ACTN3: variants seen among roughly 807,000 people sequenced by gnomAD.
ACTN3 encodes the protein alpha-actinin-3.
A neutral mutation model predicts 119.6 loss-of-function variants in ACTN3; 91 were observed. The observed-to-expected ratio is 0.76, with a 90% confidence interval of 0.64 to 0.91. ACTN3 has a LOEUF of 0.91. Among genes scored for constraint, ACTN3 ranks in the 40% least tolerant of loss-of-function variants. The probability of loss-of-function intolerance (pLI) is 0.00; values close to 1 mark genes in which losing one functional copy is unlikely to be tolerated. For missense variants in ACTN3, 1,221 were observed against 1,215.1 expected (o/e 1.00, Z -0.07); for synonymous variants, 456 against 478.8 (o/e 0.95, Z 0.62).
intron 13 of ACTN3, 38 bp downstream of exon 13, chr11:66,560,114 T>TTTGGG: frequency 3.4e-6 from 2 of 585,960 alleles, no homozygotes; most frequent in East Asian, 1.0e-4. Flanking sequence ...GGTGGGTAGG[T>TTTGGG]GGGTGAGGCC....
At chr11:66,559,059 C>T in intron 11 of ACTN3, 177 bp from the exon 12 acceptor site, 1 of 556,086 alleles carries the variant, frequency 1.8e-6, no homozygotes, top group Non-Finnish European at 2.8e-6. Context: ...GCGGATCACG[C>T]CACGGAAGAG....
Position 66,554,061 on chromosome 11 carries a change from C to T in ACTN3, c.399C>T (p.Asn133=). Residue 133 remains asparagine (N), a synonymous_variant, in exon 4 of 21, where the codon AAC becomes AAT. Transcript: ENST00000513398. ...GCCCTGCAGAGATTGTTGACGGGAACCTGAAGATGACCCTGGGCATGATCT... is the reference window on the plus strand; with the variant it reads ...GCCCTGCAGAGATTGTTGACGGGAATCTGAAGATGACCCTGGGCATGATCT... ...SIGAEEIVDG[N]LKMTLGMIWT... is the part of the protein sequence containing the mutation. 2.5e-6 allele frequency: 4 copies of T among 1,613,630 alleles called. No individual in the cohort carries two copies. The highest frequency in any genetic ancestry group is 1.7e-4 in the Middle Eastern group (1 of 6,058).
chr11:66,561,198 T>G (rs1857751160), intron 15 of ACTN3, 29 bp from the exon 16 acceptor site: 13 of 1,507,730 alleles, frequency 8.6e-6, no homozygotes, highest in Non-Finnish European at 1.2e-5. Context: ...CCCCCAGAGC[T>G]GGCTCTGGCA....
intron 9 of ACTN3, 133 bp downstream of exon 9, chr11:66,557,358 G>A: frequency 1.2e-6 from 1 of 816,214 alleles, no homozygotes; most frequent in Non-Finnish European, 2.0e-6. Flanking sequence ...GCCTCCTCCT[G>A]TCCATCCCCA....
intron 1 of ACTN3, among the ~76,000 whole-genome samples, chr11:66,548,161 G>A (rs1590802622): frequency 6.6e-6 from 1 of 152,288 alleles, no homozygotes; most frequent in South Asian, 2.1e-4. Context: ...CTTCTGCTGG[G>A]TTAGATGACA....
At position 66,557,189 on chromosome 11, in the gene ACTN3, G is replaced by T. The variant is rs1388194424; in HGVS notation, c.861G>T (p.Glu287Asp). ...CKVLAVNQENEKLMEEYEKLA... is the reference protein window; with the variant it reads ...CKVLAVNQENDKLMEEYEKLA... ...TGCTGGCAGTGAACCAGGAAAACGA[G>T]AAGCTGATGGAGGAGTATGAGAAGC... The change falls in exon 9 of 21, where the codon GAG becomes GAT. Residue 287 changes from glutamate (E) to aspartate (D), a missense_variant. Physicochemically the swap from Glu to Asp is conservative, Grantham distance 45 (BLOSUM62 2). Transcript: ENST00000513398. 7.7e-6 allele frequency: 12 copies of T among 1,553,854 alleles called. No individual in the cohort carries two copies. Among genetic ancestry groups the T allele is most frequent in the Admixed American group, 2.0e-5 (1 of 51,126 alleles).
In ACTN3 at chr11:66,550,958, G is replaced by A. The variant is rs1217351961; in HGVS notation, c.148-281G>A. The A allele has an allele frequency of 5.3e-6, 3 of 567,696 alleles. No individual in the cohort carries two copies. The Admixed American group carries it at 6.8e-5, about 13-fold the overall frequency. The allele number at this position is 567,696 out of a possible 1,614,324, so 35.2% of individuals were successfully genotyped here. On this transcript the variant is annotated intron_variant, in intron 1 of 20. Coordinates refer to ENST00000513398, the MANE Select transcript of ACTN3 (RefSeq NM_001104.4). ...TAACATTTTCTAAGGGCCCTCCAGT[G>A]TTTAAGACCCCCAAGGCTGGGGTGC...
chr11:66,562,202 C>A, intron 18 of ACTN3, 34 bp downstream of exon 18: 2 of 1,613,920 alleles, frequency 1.2e-6, no homozygotes, highest in Non-Finnish European at 1.7e-6. Flanking sequence ...GGGTAAGACA[C>A]TTGGGGGCTG....
chr11:66,550,343 C>T (rs902999229), intron 1 of ACTN3, among the ~76,000 whole-genome samples: 1 of 152,178 alleles, frequency 6.6e-6, no homozygotes, highest in Non-Finnish European at 1.5e-5. Context: ...AACTTGTGTA[C>T]CAAGTGTCGT....
In ACTN3 at chr11:66,555,137, G is replaced by A. The variant is rs1227065800; in HGVS notation, c.565G>A (p.Asp189Asn). 1 of 1,613,834 alleles carries A rather than the reference G, an allele frequency of 6.2e-7. No individual in the cohort carries two copies. Among genetic ancestry groups the A allele is most frequent in the Non-Finnish European group, 8.5e-7 (1 of 1,179,960 alleles). ...CCTCTTCTCTCTGTCCAGCTGGAAG[G>A]ATGGCCTGGCCCTCTGTGCCCTCAT... ...NVQNFHTSWKDGLALCALIHR... is the reference protein window; with the variant it reads ...NVQNFHTSWKNGLALCALIHR... Residue 189 changes from aspartate to asparagine, a missense_variant, in exon 6 of 21, where the codon GAT becomes AAT. This residue lies in a region of ACTN3 where 48 missense variants were observed against 83.4 expected (regional missense o/e 0.58). Coordinates refer to ENST00000513398, the MANE Select transcript of ACTN3 (RefSeq NM_001104.4).
At chr11:66,547,285 A>G (rs777482975) in intron 1 of ACTN3, among the ~76,000 whole-genome samples, 1 of 152,228 alleles carries the variant, frequency 6.6e-6, no homozygotes, top group South Asian at 2.1e-4. Flanking sequence ...GTTTAAAATG[A>G]CAAGAGAGTT....
intron 3 of ACTN3, among the ~76,000 whole-genome samples, 183 bp from the exon 4 acceptor site, chr11:66,553,853 CAAAAAAAAA>C (rs11448724): frequency 2.4e-5 from 2 of 81,776 alleles, no homozygotes; most frequent in African/African-American, 4.6e-5. Flanking sequence ...GACTCCATCT[CAAAAAAAAA>C]AAAAAAAAAG....
In ACTN3 at chr11:66,560,222, C is replaced by T. The variant is rs1207519234; in HGVS notation, c.1588C>T (p.Arg530Trp). 11 of 1,611,446 alleles carry T rather than the reference C, an allele frequency of 6.8e-6. No homozygotes were observed. The highest frequency in any genetic ancestry group is 3.4e-5 in the Admixed American group (2 of 59,700). Reference protein sequence around the residue: ...TIDRLQLEFARRAAPFNNWLD... With the variant: ...TIDRLQLEFAWRAAPFNNWLD... ...TGACCGGCTGCAACTGGAGTTTGCC[C>T]GGCGGGCCGCGCCCTTCAACAACTG... is the stretch of plus-strand genomic sequence containing the variant. The change falls in exon 14 of 21, where the codon CGG becomes TGG. Residue 530 changes from arginine (R) to tryptophan (W), a missense_variant. Transcript: ENST00000513398.
chr11:66,560,800 G>A, intron 15 of ACTN3, 45 bp downstream of exon 15: 4 of 1,557,430 alleles, frequency 2.6e-6, no homozygotes, highest in Non-Finnish European at 3.5e-6. Context: ...CCTGCATACT[G>A]TGACCACCCT....
At chr11:66,557,110 C>G in intron 8 of ACTN3, 23 bp from the exon 9 acceptor site, 2 of 1,548,978 alleles carry the variant, frequency 1.3e-6, no homozygotes, top group African/African-American at 1.4e-5. Context: ...TTAATGCCAG[C>G]CTTCTGCCCA....
chr11:66,555,180 ACCT>A lies in ACTN3; in HGVS notation c.610_612del (p.Leu204del). The A allele has an allele frequency of 6.2e-7, 1 of 1,613,680 alleles. No individual in the cohort carries two copies. The highest frequency in any genetic ancestry group is 2.2e-5 in the East Asian group (1 of 44,856). On this transcript the variant is annotated inframe_deletion, in exon 6 of 21. Transcript: ENST00000513398. ...GCCCTCATCCACCGACACCGCCCTG[ACCT>A]CATCGACTACGCCAAACTGCGAAAG... is the stretch of plus-strand genomic sequence containing the variant.
chr11:66,561,107 T>C (rs1857748731), intron 15 of ACTN3, 120 bp from the exon 16 acceptor site: 3 of 1,348,612 alleles, frequency 2.2e-6, no homozygotes, highest in Non-Finnish European at 3.0e-6. Context: ...CTTTCTCGTA[T>C]ATCCCAGACA....
At chr11:66,550,991 C>T (rs1243810942) in intron 1 of ACTN3, 22 of 626,270 alleles carry the variant, frequency 3.5e-5, no homozygotes, top group Middle Eastern at 2.8e-4. Context: ...TGCTGGTGGC[C>T]GGGTGCCCCA....
rs1565309206 is a variant in ACTN3, at chr11:66,560,741, A to G, written c.1846A>G (p.Thr616Ala). 2 of 1,611,968 alleles carry G rather than the reference A, an allele frequency of 1.2e-6. No homozygotes were observed. The highest frequency in any genetic ancestry group is 1.7e-5 in the Admixed American group (1 of 59,894). The change falls in exon 15 of 21, where the codon ACC (threonine) becomes GCC (alanine). Residue 616 changes from threonine (T) to alanine (A), a missense_variant. Physicochemically the swap from Thr to Ala is moderately conservative, Grantham distance 58. Transcript: ENST00000513398. The part of the protein sequence containing the change: ...YITLSPQDIN[T>A]KWDMVRKLVP... ...CACCCTCAGCCCGCAGGACATCAACACCAAGTGGGATATGGTCAGTGCCAC... is the reference window on the plus strand; with the variant it reads ...CACCCTCAGCCCGCAGGACATCAACGCCAAGTGGGATATGGTCAGTGCCAC...
Sources: gnomAD v4.1 joint callset for allele counts (sites outside exome capture counted in the v4.1 genomes callset) on GRCh38, gnomAD v4.1.1 for gene constraint, gnomAD v4.1.1 regional missense constraint, MANE v1.5 for transcripts, NCBI Gene and HGNC (gene_info 2026-07-23, HGNC 2026-07-21) for gene names.